TDRD3: variants seen among roughly 807,000 people sequenced by gnomAD.
TDRD3 encodes tudor domain-containing protein 3.
A neutral mutation model predicts 86.7 loss-of-function variants in TDRD3; 45 were observed. That is an observed-to-expected ratio of 0.52 (90% confidence interval 0.41 to 0.67). The LOEUF (loss-of-function observed/expected upper bound fraction) is 0.67. TDRD3 is among the 30% of genes least tolerant of loss of function. TDRD3 has a pLI of 0.00. For missense variants in TDRD3, 814 were observed against 889.0 expected (o/e 0.92, Z 1.07); for synonymous variants, 298 against 301.7 (o/e 0.99, Z 0.13).
chr13:60,424,698 C>CA (rs1359580973), intron 1 of TDRD3, among the ~76,000 whole-genome samples: 1 of 152,022 alleles, frequency 6.6e-6, no homozygotes, highest in Non-Finnish European at 1.5e-5. Flanking sequence ...AAAAATAAAG[C>CA]ATATCATTCA....
chr13:60,496,959 T>A (rs1338078151), intron 8 of TDRD3, among the ~76,000 whole-genome samples: 3 of 152,178 alleles, frequency 2.0e-5, no homozygotes, highest in Non-Finnish European at 4.4e-5. Context: ...TATAGCTCTG[T>A]TAGAAGCGGT....
intron 1 of TDRD3, 41 bp downstream of exon 1, chr13:60,397,446 G>A (rs1481720465): frequency 1.0e-5 from 15 of 1,473,104 alleles, no homozygotes; most frequent in Non-Finnish European, 1.2e-5. Context: ...CGCGGGTGCG[G>A]GCCGGGGCCC....
chr13:60,512,490 A>G lies in TDRD3; in HGVS notation c.1141+1735A>G, dbSNP rs372509798. Among the ~76,000 whole-genome samples the G allele has an allele frequency of 5.3e-5, 8 of 152,294 alleles. No individual in the cohort carries two copies. The East Asian group carries it at 1.5e-3, about 29-fold the overall frequency. Reference sequence around the variant, plus strand: ...CATTAACTTAAAAGTCCACAGTCCAAAGTCTCATCTGAGACAAGGCAAATC... The same window carrying G: ...CATTAACTTAAAAGTCCACAGTCCAGAGTCTCATCTGAGACAAGGCAAATC... On this transcript the variant is annotated intron_variant, in intron 10 of 13. Transcript: ENST00000377881.
intron 11 of TDRD3, among the ~76,000 whole-genome samples, chr13:60,533,411 C>T (rs574799554): frequency 3.9e-5 from 6 of 152,142 alleles, no homozygotes; most frequent in East Asian, 3.9e-4. Flanking sequence ...AAGGCAGAGG[C>T]GGGCAGATCA....
chr13:60,555,610 G>A (rs371867156), intron 12 of TDRD3, among the ~76,000 whole-genome samples: 2 of 152,046 alleles, frequency 1.3e-5, no homozygotes, highest in Non-Finnish European at 2.9e-5. Context: ...TGATACCAAC[G>A]TACTTGAGAA....
chr13:60,461,218 T>C (rs1036707182), intron 4 of TDRD3, among the ~76,000 whole-genome samples: 2 of 152,186 alleles, frequency 1.3e-5, no homozygotes, highest in Admixed American at 1.3e-4. Context: ...TCACACTGTT[T>C]AATGTTCTTG....
intron 8 of TDRD3, among the ~76,000 whole-genome samples, chr13:60,499,038 C>T (rs546405832): frequency 6.6e-6 from 1 of 152,260 alleles, no homozygotes; most frequent in South Asian, 2.1e-4. Context: ...ACACTGGCTC[C>T]CTGACTGGTA....
At chr13:60,419,119 A>G (rs1386666932) in intron 1 of TDRD3, among the ~76,000 whole-genome samples, 1 of 152,214 alleles carries the variant, frequency 6.6e-6, no homozygotes, top group East Asian at 1.9e-4. Flanking sequence ...TTTATAGGAA[A>G]CAGCCAAACG....
chr13:60,473,949 A>G (rs1454172116), intron 5 of TDRD3, among the ~76,000 whole-genome samples: 1 of 152,070 alleles, frequency 6.6e-6, no homozygotes, highest in African/African-American at 2.4e-5. Flanking sequence ...GGAGTTAGAG[A>G]AGACTCTGCT....
chr13:60,541,184 TGAGACGGAGC>T (rs1957802594), intron 12 of TDRD3, among the ~76,000 whole-genome samples: 1 of 151,566 alleles, frequency 6.6e-6, no homozygotes, highest in Non-Finnish European at 1.5e-5. Context: ...TTTCTTTTTT[TGAGACGGAGC>T]CTTGCTCTTG....
At chr13:60,552,778 T>G (rs1958096550) in intron 12 of TDRD3, among the ~76,000 whole-genome samples, 1 of 152,248 alleles carries the variant, frequency 6.6e-6, no homozygotes, top group Admixed American at 6.5e-5. Flanking sequence ...TCTGTGCACT[T>G]GTAGGGCCAA....
chr13:60,436,899 C>T (rs779250624), intron 1 of TDRD3, among the ~76,000 whole-genome samples: 27 of 152,204 alleles, frequency 1.8e-4, no homozygotes, highest in South Asian at 4.1e-4. Flanking sequence ...TGATCTTCTA[C>T]GATGCAGAAG....
chr13:60,429,926 A>G (rs938752547), intron 1 of TDRD3, among the ~76,000 whole-genome samples: 3 of 152,194 alleles, frequency 2.0e-5, no homozygotes, highest in Non-Finnish European at 4.4e-5. Context: ...CATGTTTAAG[A>G]AGGAAGAAAA....
At position 60,528,870 on chromosome 13, in the gene TDRD3, A is replaced by C; in HGVS notation, c.1645A>C (p.Arg549=). Residue 549 remains arginine, a synonymous_variant, in exon 11 of 14, where the codon AGG becomes CGG. Coordinates refer to ENST00000377881, the MANE Select transcript of TDRD3 (RefSeq NM_001146070.2). ...ATCTATTCCTGATTATTTTTATGAC[A>C]GGAAATCACAAACAATAAATAATGA... ...QTSIPDYFYD[R]KSQTINNEAF... The C allele has an allele frequency of 6.2e-7, 1 of 1,612,434 alleles. No homozygotes were observed. The highest frequency in any genetic ancestry group is 8.5e-7 in the Non-Finnish European group (1 of 1,179,614).
chr13:60,567,205 C>G (rs1958480258), intron 12 of TDRD3, among the ~76,000 whole-genome samples: 4 of 152,162 alleles, frequency 2.6e-5, no homozygotes, highest in Admixed American at 2.0e-4. Context: ...CACATTGTGT[C>G]AAGCCATTTG....
chr13:60,475,753 A>T lies in TDRD3; in HGVS notation c.496-8022A>T, dbSNP rs112306117. On this transcript the variant is annotated intron_variant, in intron 5 of 13. Transcript: ENST00000377881. ...AATAGCCATTCTGTTATGAGATGGT[A>T]TCACATTGTGGTTTTGATTTACATT... 3.4e-3 allele frequency among the ~76,000 whole-genome samples: 514 copies of T among 152,316 alleles called. 4 individuals are homozygous for T. Among genetic ancestry groups the T allele is most frequent in the African/African-American group, 0.012 (490 of 41,568 alleles).
At chr13:60,450,547 T>C (rs1955511454) in intron 3 of TDRD3, among the ~76,000 whole-genome samples, 1 of 152,148 alleles carries the variant, frequency 6.6e-6, no homozygotes, top group Non-Finnish European at 1.5e-5. Flanking sequence ...TGGAGGTAAA[T>C]TAAAGAACTT....
chr13:60,552,773 G>A (rs1372792629), intron 12 of TDRD3, among the ~76,000 whole-genome samples: 1 of 152,256 alleles, frequency 6.6e-6, no homozygotes, highest in Non-Finnish European at 1.5e-5. Flanking sequence ...TGTCTTCTGT[G>A]CACTTGTAGG....
chr13:60,555,550 G>C (rs937201267), intron 12 of TDRD3, among the ~76,000 whole-genome samples: 1 of 152,156 alleles, frequency 6.6e-6, no homozygotes, highest in Non-Finnish European at 1.5e-5. Flanking sequence ...TTTAGGACTT[G>C]GTGACATCAT....
Sources: gnomAD v4.1 joint callset for allele counts (sites outside exome capture counted in the v4.1 genomes callset) on GRCh38, gnomAD v4.1.1 for gene constraint, MANE v1.5 for transcripts, NCBI Gene and HGNC (gene_info 2026-07-23, HGNC 2026-07-21) for gene names.